Variants in RBFOX1 observed in about 807,000 individuals in gnomAD.
RBFOX1 encodes the protein RNA binding protein fox-1 homolog 1.
Under a neutral mutation model 57.7 loss-of-function variants are expected in RBFOX1, and 8 were observed. The ratio of observed to expected loss-of-function variants is 0.14; its 90% CI spans 0.08 to 0.25. The LOEUF (loss-of-function observed/expected upper bound fraction) is 0.25, where lower values mean the gene tolerates loss of function less well. Among genes scored for constraint, RBFOX1 ranks in the 10% least tolerant of loss-of-function variants. The pLI is 1.00. For missense variants in RBFOX1, 611 were observed against 548.5 expected (o/e 1.11, Z -1.14); for synonymous variants, 326 against 222.4 (o/e 1.47, Z -4.15).
chr16:5,770,549 A>G (rs1026808161), intron 3 of RBFOX1, among the ~76,000 whole-genome samples: 4 of 152,284 alleles, frequency 2.6e-5, no homozygotes, highest in African/African-American at 4.8e-5. Flanking sequence ...CACAAGTGCT[A>G]TCTGCCTATG....
chr16:5,674,581 T>G (rs1446858405), intron 3 of RBFOX1, among the ~76,000 whole-genome samples: 1 of 152,216 alleles, frequency 6.6e-6, no homozygotes, highest in Non-Finnish European at 1.5e-5. Flanking sequence ...TTCTGTTTGT[T>G]TAGAATTGGA....
At chr16:5,658,414 C>G (rs1042587836) in intron 3 of RBFOX1, among the ~76,000 whole-genome samples, 1 of 152,140 alleles carries the variant, frequency 6.6e-6, no homozygotes, top group Non-Finnish European at 1.5e-5. Context: ...GGGTGATCAT[C>G]TAACTTTGAT....
intron 2 of RBFOX1, among the ~76,000 whole-genome samples, chr16:5,540,445 A>C (rs1005031856): frequency 2.0e-5 from 3 of 152,188 alleles, no homozygotes; most frequent in Admixed American, 2.0e-4. Context: ...ATGGCACACC[A>C]ATTAACTCTT....
chr16:7,063,109 C>T (rs774405052), intron 4 of RBFOX1, among the ~76,000 whole-genome samples: 1 of 151,894 alleles, frequency 6.6e-6, no homozygotes, highest in African/African-American at 2.4e-5. Flanking sequence ...TCGGCGCTGA[C>T]TTTATGTATT....
chr16:7,249,232 C>T (rs917409498), intron 4 of RBFOX1, among the ~76,000 whole-genome samples: 5 of 152,184 alleles, frequency 3.3e-5, no homozygotes, highest in African/African-American at 1.2e-4. Context: ...GGGTTTGTTT[C>T]CATTCCCCTC....
intron 14 of RBFOX1, among the ~76,000 whole-genome samples, 199 bp downstream of exon 14, chr16:7,677,037 C>T (rs899049169): frequency 5.9e-5 from 9 of 151,930 alleles, no homozygotes; most frequent in African/African-American, 2.2e-4. Context: ...AAACTACTCT[C>T]TCTGCTGAGA....
At chr16:5,245,775 T>C (rs1181022209) in intron 1 of RBFOX1, among the ~76,000 whole-genome samples, 2 of 138,642 alleles carry the variant, frequency 1.4e-5, no homozygotes, top group Non-Finnish European at 3.3e-5. Flanking sequence ...AAACACATTT[T>C]ACTATACATT....
intron 1 of RBFOX1, among the ~76,000 whole-genome samples, chr16:6,131,743 TG>T (rs2096631200): frequency 1.3e-5 from 2 of 152,222 alleles, no homozygotes; most frequent in Non-Finnish European, 2.9e-5. Flanking sequence ...TGGCCTTCCT[TG>T]GAAAGTGAGA....
intron 3 of RBFOX1, among the ~76,000 whole-genome samples, chr16:6,717,583 CTT>C (rs57111084): frequency 1.3e-4 from 19 of 142,972 alleles, no homozygotes; most frequent in South Asian, 2.3e-4. Context: ...ATGCTGAAGT[CTT>C]TTTTTTTTTT....
At chr16:5,584,852 A>C (rs980657368) in intron 2 of RBFOX1, among the ~76,000 whole-genome samples, 2 of 152,182 alleles carry the variant, frequency 1.3e-5, no homozygotes, top group African/African-American at 4.8e-5. Flanking sequence ...TTTGAGATGC[A>C]TGGAGAGGAA....
chr16:5,323,663 A>G (rs2095035378), intron 1 of RBFOX1, among the ~76,000 whole-genome samples: 1 of 152,258 alleles, frequency 6.6e-6, no homozygotes, highest in African/African-American at 2.4e-5. Flanking sequence ...AAACTTAGTT[A>G]TTTATATGTT....
At chr16:6,193,824 TCTTC>T (rs2097162678) in intron 1 of RBFOX1, among the ~76,000 whole-genome samples, 1 of 152,066 alleles carries the variant, frequency 6.6e-6, no homozygotes, top group South Asian at 2.1e-4. Flanking sequence ...AAAGCTCTGT[TCTTC>T]CTTCATTCTC....
chr16:6,939,053 A>T (rs72774203), intron 3 of RBFOX1, among the ~76,000 whole-genome samples: 17,104 of 152,182 alleles, frequency 0.11, 1,175 homozygotes, highest in East Asian at 0.17. Context: ...TGGAATATCA[A>T]TGCTACCATG....
At chr16:7,099,405 C>A (rs576752971) in intron 4 of RBFOX1, among the ~76,000 whole-genome samples, 3 of 152,066 alleles carry the variant, frequency 2.0e-5, no homozygotes, top group Non-Finnish European at 4.4e-5. Flanking sequence ...GGGGCTAATA[C>A]CAGAAGGGGA....
At chr16:5,484,223 C>T (rs528890465) in intron 2 of RBFOX1, among the ~76,000 whole-genome samples, 1 of 152,270 alleles carries the variant, frequency 6.6e-6, no homozygotes, top group East Asian at 1.9e-4. Context: ...TAACTCAAGG[C>T]CTGACTGGGG....
chr16:6,873,852 C>T (rs956170550), intron 3 of RBFOX1: 1 of 152,080 alleles, frequency 6.6e-6, no homozygotes, highest in Admixed American at 6.6e-5. Flanking sequence ...AAGTAACTTG[C>T]ATAAAGTCAG....
At chr16:6,949,001 G>T (rs1027961191) in intron 3 of RBFOX1, among the ~76,000 whole-genome samples, 1 of 152,082 alleles carries the variant, frequency 6.6e-6, no homozygotes, top group African/African-American at 2.4e-5. Flanking sequence ...TCAAAGGAAG[G>T]GATTCTCGAT....
intron 2 of RBFOX1, among the ~76,000 whole-genome samples, chr16:6,622,287 GATT>G (rs1410836186): frequency 6.6e-6 from 1 of 152,114 alleles, no homozygotes; most frequent in Non-Finnish European, 1.5e-5. Context: ...GGTCCTATAA[GATT>G]ATAATGGAAT....
chr16:5,543,871 A>T (rs537809072), intron 2 of RBFOX1, among the ~76,000 whole-genome samples: 1 of 152,366 alleles, frequency 6.6e-6, no homozygotes, highest in East Asian at 1.9e-4. Flanking sequence ...GTGTAAAGAT[A>T]GGGAGTAAAA....
Sources: gnomAD v4.1 joint callset for allele counts (sites outside exome capture counted in the v4.1 genomes callset) on GRCh38, gnomAD v4.1.1 for gene constraint, MANE v1.5 for transcripts, NCBI Gene and HGNC (gene_info 2026-07-23, HGNC 2026-07-21) for gene names.